The following GRM5 variants were observed in gnomAD, a reference collection of about 807,000 sequenced individuals.
The protein encoded by GRM5 is metabotropic glutamate receptor 5.
Under a neutral mutation model 83.1 loss-of-function variants are expected in GRM5, and 19 were observed. The ratio of observed to expected loss-of-function variants is 0.23; its 90% CI spans 0.16 to 0.34. The LOEUF (loss-of-function observed/expected upper bound fraction) is 0.34, where lower values mean the gene tolerates loss of function less well. Ranked by LOEUF, GRM5 falls within the 10% of genes least tolerant of loss-of-function variation. The pLI is 1.00. For missense variants in GRM5, 1,160 were observed against 1,588.3 expected, an observed-to-expected ratio of 0.73 and a Z score of 4.58; for synonymous variants, 675 against 633.6, an observed-to-expected ratio of 1.07 and a Z score of -0.98.
At chr11:89,045,957 C>T (rs1451109992) in intron 2 of GRM5, among the ~76,000 whole-genome samples, 1 of 152,132 alleles carries the variant, frequency 6.6e-6, no homozygotes, top group African/African-American at 2.4e-5. Context: ...CCCACCATGA[C>T]CCCCATAACC....
At chr11:88,582,998 A>C (rs1014301277) in intron 7 of GRM5, among the ~76,000 whole-genome samples, 2 of 152,134 alleles carry the variant, frequency 1.3e-5, no homozygotes, top group Admixed American at 1.3e-4. Context: ...TCAACTGTAG[A>C]ATAATAATCT....
At chr11:88,716,069 T>C (rs1702229955) in intron 3 of GRM5, among the ~76,000 whole-genome samples, 1 of 151,858 alleles carries the variant, frequency 6.6e-6, no homozygotes. Flanking sequence ...AAAAAAGAAA[T>C]GTATGTTTCT....
chr11:88,562,794 G>A (rs915875693), intron 8 of GRM5, among the ~76,000 whole-genome samples: 1 of 152,022 alleles, frequency 6.6e-6, no homozygotes, highest in African/African-American at 2.4e-5. Context: ...TGATAGAGAT[G>A]GAAGAGGCTA....
At chr11:88,534,024 A>C (rs1380511336) in intron 8 of GRM5, among the ~76,000 whole-genome samples, 1 of 152,158 alleles carries the variant, frequency 6.6e-6, no homozygotes, top group Non-Finnish European at 1.5e-5. Context: ...GGGTACTCAG[A>C]AGTCAGGAAT....
chr11:88,895,211 A>G (rs1014735261), intron 2 of GRM5, among the ~76,000 whole-genome samples: 4 of 151,962 alleles, frequency 2.6e-5, no homozygotes, highest in African/African-American at 9.7e-5. Context: ...TGTAGAATTC[A>G]ATTGTTTTGG....
At chr11:88,775,359 A>G (rs564077447) in intron 3 of GRM5, among the ~76,000 whole-genome samples, 44 of 152,140 alleles carry the variant, frequency 2.9e-4, no homozygotes, top group African/African-American at 9.4e-4. Context: ...CTAGCAGTCT[A>G]TCAATTTTGT....
chr11:88,748,935 T>A (rs1483177170), intron 3 of GRM5, among the ~76,000 whole-genome samples: 1 of 151,900 alleles, frequency 6.6e-6, no homozygotes, highest in Non-Finnish European at 1.5e-5. Flanking sequence ...AGAAACCCCA[T>A]TCAAAGGTCA....
intron 3 of GRM5, among the ~76,000 whole-genome samples, chr11:88,710,660 A>G (rs1941262492): frequency 6.6e-6 from 1 of 152,072 alleles, no homozygotes; most frequent in South Asian, 2.1e-4. Flanking sequence ...AATTCTGCGA[A>G]TTAACTTGAA....
Position 88,725,280 on chromosome 11 carries a change from T to C in GRM5, c.912-71877A>G, listed in dbSNP as rs555794266. On this transcript the variant is annotated intron_variant, in intron 3 of 9. Transcript: ENST00000305447. The stretch of plus-strand genomic sequence containing the variant: ...AACAAAGCCACCAGGAAGTTTGAAC[T>C]GGGCAGAGCCCACCACAGCTCAGCA... Among the ~76,000 whole-genome samples the C allele has an allele frequency of 2.6e-5, 4 of 152,270 alleles. No individual in the cohort carries two copies. The South Asian group carries it at 6.2e-4, about 24-fold the overall frequency.
intron 4 of GRM5, among the ~76,000 whole-genome samples, chr11:88,646,139 A>G (rs1177112625): frequency 6.6e-6 from 1 of 152,138 alleles, no homozygotes; most frequent in African/African-American, 2.4e-5. Context: ...TATAGAAAAG[A>G]TACAATAAAT....
At chr11:88,991,059 G>A (rs891401635) in intron 2 of GRM5, among the ~76,000 whole-genome samples, 13 of 152,158 alleles carry the variant, frequency 8.5e-5, no homozygotes, top group African/African-American at 2.9e-4. Context: ...ATTAGGAAAA[G>A]AGGAAGTCTG....
At chr11:88,855,897 A>G (rs1944466914) in intron 2 of GRM5, among the ~76,000 whole-genome samples, 1 of 151,900 alleles carries the variant, frequency 6.6e-6, no homozygotes, top group Admixed American at 6.6e-5. Flanking sequence ...TCTTGTACAG[A>G]AAAGTAGTAC....
chr11:88,505,397 T>C lies in GRM5; in HGVS notation c.*3195A>G, dbSNP rs1486586225. The C allele has an allele frequency of 2.0e-5, 3 of 152,244 alleles. No individual in the cohort carries two copies. Among genetic ancestry groups the C allele is most frequent in the Non-Finnish European group, 4.4e-5 (3 of 68,032 alleles). 9.4% of individuals were successfully genotyped at this position (152,244 alleles called of 1,614,324 possible). A position where few individuals can be genotyped will look rare whatever the true frequency, so the allele number is the denominator to read the frequency against. ...AAGTCACAGAACTGCAGCAGAGCTA[T>C]TATACAATTCATTTACAGTCAGAAA... On this transcript the variant is annotated 3_prime_UTR_variant, in exon 10 of 10. Coordinates refer to ENST00000305447, the MANE Select transcript of GRM5 (RefSeq NM_001143831.3).
At chr11:88,702,184 A>G (rs1308694686) in intron 3 of GRM5, among the ~76,000 whole-genome samples, 3 of 152,122 alleles carry the variant, frequency 2.0e-5, no homozygotes, top group Non-Finnish European at 4.4e-5. Flanking sequence ...TGAAGTAACT[A>G]TATCTACCAT....
intron 2 of GRM5, among the ~76,000 whole-genome samples, chr11:88,885,521 G>C (rs1333421298): frequency 1.6e-5 from 2 of 123,398 alleles, no homozygotes; most frequent in Non-Finnish European, 3.2e-5. Flanking sequence ...GGGAGTTAGG[G>C]GACTTTAGAA....
At chr11:88,985,586 T>C (rs1939679615) in intron 2 of GRM5, among the ~76,000 whole-genome samples, 1 of 152,168 alleles carries the variant, frequency 6.6e-6, no homozygotes. Context: ...GTCCTAATCA[T>C]ACCAAGAACA....
Position 88,857,300 on chromosome 11 carries a change from A to G in GRM5, c.662-7145T>C, listed in dbSNP as rs12791932. On this transcript the variant is annotated intron_variant, in intron 2 of 9. Coordinates refer to ENST00000305447, the MANE Select transcript of GRM5 (RefSeq NM_001143831.3). ...AAATTTTTGTCACCATATTGCTTGA[A>G]TAAATGAGAGTTGTTTTAATTTTCA... Among the ~76,000 whole-genome samples, 124 of 152,226 alleles carry G rather than the reference A, an allele frequency of 8.1e-4. 2 individuals are homozygous for G. The Middle Eastern group carries it at 0.017, about 21-fold the overall frequency.
At chr11:88,594,095 A>C (rs905307393) in intron 6 of GRM5, among the ~76,000 whole-genome samples, 2 of 152,088 alleles carry the variant, frequency 1.3e-5, no homozygotes, top group African/African-American at 2.4e-5. Context: ...GCCCGGCCCT[A>C]GAAGTTACGT....
chr11:88,977,165 A>G (rs1376979869), intron 2 of GRM5, among the ~76,000 whole-genome samples: 1 of 150,412 alleles, frequency 6.6e-6, no homozygotes, highest in African/African-American at 2.4e-5. Flanking sequence ...CAGGTGATTT[A>G]ACATAAAATA....
Sources: gnomAD v4.1 joint callset for allele counts (sites outside exome capture counted in the v4.1 genomes callset) on GRCh38, gnomAD v4.1.1 for gene constraint, MANE v1.5 for transcripts, NCBI Gene and HGNC (gene_info 2026-07-23, HGNC 2026-07-21) for gene names.